LTB4R: variants seen among roughly 807,000 people sequenced by gnomAD.
LTB4R encodes the protein leukotriene B4 receptor.
For synonymous variants in LTB4R, 250 were observed against 230.7 expected, an observed-to-expected ratio of 1.08 and a Z score of -0.76; for missense variants, 470 against 485.6, an observed-to-expected ratio of 0.97 and a Z score of 0.30.
In LTB4R at chr14:24,316,793, TGGAGGG is replaced by T. The variant is rs2041780080; in HGVS notation, c.*84_*89del. The stretch of plus-strand genomic sequence containing the variant: ...AGTACCTGGAGGAGGAGCAGGGGCG[TGGAGGG>T]CGTGGAGGGCGTGGGAGCGTGGGAG... On this transcript the variant is annotated 3_prime_UTR_variant, in exon 2 of 2. Transcript: ENST00000345363. 1.0e-6 allele frequency: 1 copy of T among 973,676 alleles called. No individual in the cohort carries two copies. The highest frequency in any genetic ancestry group is 1.9e-5 in the African/African-American group (1 of 52,328). The allele number at this position is 973,676 out of a possible 1,614,324, so 60.3% of individuals were successfully genotyped here.
intron 1 of LTB4R, chr14:24,313,327 C>T (rs2041739896): frequency 6.6e-6 from 1 of 152,096 alleles, no homozygotes; most frequent in Non-Finnish European, 1.5e-5. Flanking sequence ...CTCTCACATC[C>T]CGTGCGGTCA....
rs749502365 is a variant in LTB4R, at chr14:24,315,644, C to T, written c.-8C>T. 9 of 1,608,968 alleles carry T rather than the reference C, an allele frequency of 5.6e-6. No individual in the cohort carries two copies. Among genetic ancestry groups the T allele is most frequent in the South Asian group, 3.3e-5 (3 of 90,528 alleles). On this transcript the variant is annotated 5_prime_UTR_variant, in exon 2 of 2. It introduces an in-frame stop codon into an upstream open reading frame of the 5' UTR. Transcript: ENST00000345363. Reference sequence around the variant, plus strand: ...TCCGCCCTCACTCTCCAGGTCCTCCCGACGGCCATGAACACTACATCTTCT... The same window carrying T: ...TCCGCCCTCACTCTCCAGGTCCTCCTGACGGCCATGAACACTACATCTTCT...
At chr14:24,315,207 G>A (rs886724350) in intron 1 of LTB4R, among the ~76,000 whole-genome samples, 5 of 152,180 alleles carry the variant, frequency 3.3e-5, no homozygotes, top group African/African-American at 1.2e-4. Context: ...GCATCTCTGG[G>A]GACAGTAGGC....
intron 1 of LTB4R, chr14:24,315,028 T>G (rs991312189): frequency 1.3e-5 from 2 of 153,046 alleles, no homozygotes; most frequent in African/African-American, 4.8e-5. Flanking sequence ...TAAGTAAGTT[T>G]CCTGGGAGCG....
At chr14:24,313,278 G>T (rs1327830656) in intron 1 of LTB4R, 3 of 152,134 alleles carry the variant, frequency 2.0e-5, no homozygotes, top group Non-Finnish European at 4.4e-5. Context: ...CATGCACTGG[G>T]CAGAGGTTCC....
rs1387927169 is a variant in LTB4R at position 24,316,638 on chromosome 14, C to T, written c.987C>T (p.Pro329=). The T allele has an allele frequency of 2.0e-6, 3 of 1,527,606 alleles. No homozygotes were observed. The highest frequency in any genetic ancestry group is 2.3e-4 in the Middle Eastern group (1 of 4,300). The allele number at this position is 1,527,606 out of a possible 1,614,324, so 94.6% of individuals were successfully genotyped here. A position where few individuals can be genotyped will look rare whatever the true frequency, so the allele number is the denominator to read the frequency against. The change falls in exon 2 of 2, where the codon CCC becomes CCT. Residue 329 remains proline (P), a synonymous_variant. Transcript: ENST00000345363. The part of the protein sequence containing the change: ...GSLGQTARSG[P]AALEPGPSES... ...TGGGCCAGACCGCTAGGAGCGGCCC[C>T]GCCGCTCTGGAGCCCGGCCCTTCCG...
rs2041784546 is a variant in LTB4R, at chr14:24,317,171, C to G, written c.*461C>G. 1 of 169,056 alleles carries G rather than the reference C, an allele frequency of 5.9e-6. No homozygotes were observed. The highest frequency in any genetic ancestry group is 6.5e-5 in the Admixed American group (1 of 15,330). The allele number at this position is 169,056 out of a possible 1,614,324, so 10.5% of individuals were successfully genotyped here. On this transcript the variant is annotated 3_prime_UTR_variant, in exon 2 of 2. Coordinates refer to ENST00000345363, the MANE Select transcript of LTB4R (RefSeq NM_001143919.3). ...TCTACAGACTCCTAAAGCAGCTTGT[C>G]TAGGAAGACCACCCATGTGGGCTTA...
intron 1 of LTB4R, chr14:24,313,551 G>A (rs1341927381): frequency 6.6e-6 from 1 of 151,068 alleles, no homozygotes; most frequent in Non-Finnish European, 1.5e-5. Context: ...GAAGGCCCAT[G>A]GTCAGATTGA....
At position 24,316,499 on chromosome 14, in the gene LTB4R, T is replaced by G; in HGVS notation, c.848T>G (p.Val283Gly). Reference sequence around the variant, plus strand: ...TTCCTGAGCAGCAGCGTGAACCCCGTGCTGTACGCGTGCGCCGGCGGCGGC... The same window carrying G: ...TTCCTGAGCAGCAGCGTGAACCCCGGGCTGTACGCGTGCGCCGGCGGCGGC... ...LAFLSSSVNPVLYACAGGGLL... is the reference protein window; with the variant it reads ...LAFLSSSVNPGLYACAGGGLL... Residue 283 changes from valine to glycine, a missense_variant, in exon 2 of 2, where the codon GTG (valine) becomes GGG (glycine). Val to Gly is a moderately radical substitution (Grantham distance 109). Transcript: ENST00000345363. 6.5e-7 allele frequency: 1 copy of G among 1,538,596 alleles called. No individual in the cohort carries two copies. Among genetic ancestry groups the G allele is most frequent in the South Asian group, 1.2e-5 (1 of 83,494 alleles).
At chr14:24,314,817 A>C (rs2041754843) in intron 1 of LTB4R, 1 of 152,568 alleles carries the variant, frequency 6.6e-6, no homozygotes, top group Non-Finnish European at 1.5e-5. Flanking sequence ...GGGAGTGGGT[A>C]GGGGTTTCAG....
chr14:24,316,532 G>A lies in LTB4R; in HGVS notation c.881G>A (p.Arg294His). ...LYACAGGGLL[R>H]SAGVGFVAKL... The stretch of plus-strand genomic sequence containing the variant: ...GCGTGCGCCGGCGGCGGCCTGCTGC[G>A]CTCGGCGGGCGTGGGCTTCGTCGCC... Residue 294 changes from arginine (R) to histidine (H), a missense_variant, in exon 2 of 2, where the codon CGC becomes CAC. Coordinates refer to ENST00000345363, the MANE Select transcript of LTB4R (RefSeq NM_001143919.3). 1 of 1,453,256 alleles carries A rather than the reference G, an allele frequency of 6.9e-7. No homozygotes were observed. The highest frequency in any genetic ancestry group is 1.4e-5 in the South Asian group (1 of 71,436). The allele number at this position is 1,453,256 out of a possible 1,614,324, so 90.0% of individuals were successfully genotyped here.
Position 24,316,826 on chromosome 14 carries a change from C to T in LTB4R, c.*116C>T, listed in dbSNP as rs1347139742. 5.9e-6 allele frequency: 5 copies of T among 843,466 alleles called. No individual in the cohort carries two copies. The highest frequency in any genetic ancestry group is 5.4e-5 in the African/African-American group (3 of 55,240). 52.2% of individuals were successfully genotyped at this position (843,466 alleles called of 1,614,324 possible). A position where few individuals can be genotyped will look rare whatever the true frequency, so the allele number is the denominator to read the frequency against. On this transcript the variant is annotated 3_prime_UTR_variant, in exon 2 of 2. Transcript: ENST00000345363. ...GTGGAGGGCGTGGGAGCGTGGGAGGCGGGAGTGGAGTGGAAGAAGAGGGAG... is the reference window on the plus strand; with the variant it reads ...GTGGAGGGCGTGGGAGCGTGGGAGGTGGGAGTGGAGTGGAAGAAGAGGGAG...
chr14:24,316,787 GGGGCGTGGAGGGCGTGGA>G lies in LTB4R; in HGVS notation c.*86_*103del. ...CAGTTCAGTACCTGGAGGAGGAGCA[GGGGCGTGGAGGGCGTGGA>G]GGGCGTGGGAGCGTGGGAGGCGGGA... On this transcript the variant is annotated 3_prime_UTR_variant, in exon 2 of 2. Coordinates refer to ENST00000345363, the MANE Select transcript of LTB4R (RefSeq NM_001143919.3). 2 of 1,200,902 alleles carry G rather than the reference GGGGCGTGGAGGGCGTGGA, an allele frequency of 1.7e-6. No individual in the cohort carries two copies. The highest frequency in any genetic ancestry group is 7.6e-5 in the Admixed American group (2 of 26,242). The allele number at this position is 1,200,902 out of a possible 1,614,324, so 74.4% of individuals were successfully genotyped here. A position where few individuals can be genotyped will look rare whatever the true frequency, so the allele number is the denominator to read the frequency against.
In LTB4R at chr14:24,315,927, G is replaced by GT; in HGVS notation, c.277dup (p.Cys93LeufsTer152). On this transcript the variant is annotated frameshift_variant, in exon 2 of 2. Coordinates refer to ENST00000345363, the MANE Select transcript of LTB4R (RefSeq NM_001143919.3). LOFTEE classifies it low-confidence loss of function (END_TRUNC). ...GTTTTGGACTGGCTGGTTGCCGCCT[G>GT]TGTCACTATGTCTGCGGAGTCAGCA... is the stretch of plus-strand genomic sequence containing the variant. 6.2e-7 allele frequency: 1 copy of GT among 1,614,180 alleles called. No individual in the cohort carries two copies. Among genetic ancestry groups the GT allele is most frequent in the East Asian group, 2.2e-5 (1 of 44,890 alleles).
chr14:24,315,605 C>G (rs1392254274), intron 1 of LTB4R, 32 bp from the exon 2 acceptor site: 1 of 1,465,142 alleles, frequency 6.8e-7, no homozygotes, highest in South Asian at 1.2e-5. Flanking sequence ...TGGTCCTCTA[C>G]TCTCATGCGT....
At position 24,316,104 on chromosome 14, in the gene LTB4R, C is replaced by T; in HGVS notation, c.453C>T (p.Pro151=). ...IWVLSFLLAT[P]VLAYRTVVPW... The stretch of plus-strand genomic sequence containing the variant: ...TGTTGTCCTTTCTGCTGGCCACACC[C>T]GTCCTCGCGTACCGCACAGTAGTGC... The change falls in exon 2 of 2, where the codon CCC becomes CCT. Residue 151 remains proline, a synonymous_variant. Coordinates refer to ENST00000345363, the MANE Select transcript of LTB4R (RefSeq NM_001143919.3). 5 of 1,613,426 alleles carry T rather than the reference C, an allele frequency of 3.1e-6. No homozygotes were observed. Among genetic ancestry groups the T allele is most frequent in the Non-Finnish European group, 4.2e-6 (5 of 1,180,038 alleles).
rs555617343 is a variant in LTB4R at position 24,315,799 on chromosome 14, C to T, written c.148C>T (p.Arg50Cys). 22 of 1,614,246 alleles carry T rather than the reference C, an allele frequency of 1.4e-5. No individual in the cohort carries two copies. Among genetic ancestry groups the T allele is most frequent in the South Asian group, 3.3e-5 (3 of 91,090 alleles). Residue 50 changes from arginine (R) to cysteine (C), a missense_variant, in exon 2 of 2, where the codon CGC (arginine) becomes TGC (cysteine). Coordinates refer to ENST00000345363, the MANE Select transcript of LTB4R (RefSeq NM_001143919.3). ...VWSILKRMQK[R>C]SVTALMVLNL... The stretch of plus-strand genomic sequence containing the variant: ...GAGTATCCTGAAAAGGATGCAGAAG[C>T]GCTCTGTCACTGCCCTGATGGTGCT...
chr14:24,314,475 G>C (rs3742510), intron 1 of LTB4R: 7,420 of 152,176 alleles, frequency 0.049, 223 homozygotes, highest in East Asian at 0.15. Flanking sequence ...CCAGACCCAG[G>C]ACCTAGTCAC....
chr14:24,311,581 G>T lies in LTB4R; in HGVS notation c.-239G>T, dbSNP rs772592210. 1 of 1,611,394 alleles carries T rather than the reference G, an allele frequency of 6.2e-7. No individual in the cohort carries two copies. Among genetic ancestry groups the T allele is most frequent in the Non-Finnish European group, 8.5e-7 (1 of 1,180,006 alleles). On this transcript the variant is annotated 5_prime_UTR_variant, in exon 1 of 2. Coordinates refer to ENST00000345363, the MANE Select transcript of LTB4R (RefSeq NM_001143919.3). The stretch of plus-strand genomic sequence containing the variant: ...CGGGCAGGTCCCCGTTTCCTCACGC[G>T]GCTCTTCGAAGGCTCTGGGGAGGCC...
Sources: gnomAD v4.1 joint callset for allele counts (sites outside exome capture counted in the v4.1 genomes callset) on GRCh38, gnomAD v4.1.1 for gene constraint, MANE v1.5 for transcripts, NCBI Gene and HGNC (gene_info 2026-07-23, HGNC 2026-07-21) for gene names.